Variants in ASH1L observed in about 807,000 individuals in gnomAD.
The protein encoded by ASH1L is ASH1 like histone lysine methyltransferase, also known as histone-lysine N-methyltransferase ASH1L.
Under a neutral mutation model 269.0 loss-of-function variants are expected in ASH1L, and 23 were observed. That is an observed-to-expected ratio of 0.09 (90% CI 0.06 to 0.12). The LOEUF (loss-of-function observed/expected upper bound fraction) is 0.12, where lower values mean the gene tolerates loss of function less well. ASH1L is among the 10% of genes least tolerant of loss of function. The probability of loss-of-function intolerance (pLI) is 1.00; values close to 1 mark genes in which losing one functional copy is unlikely to be tolerated. For synonymous variants in ASH1L, 1,187 were observed against 1,253.5 expected, an observed-to-expected ratio of 0.95 and a Z score of 1.12; for missense variants, 2,912 against 3,567.8, an observed-to-expected ratio of 0.82 and a Z score of 4.68.
chr1:155,347,995 T>C (rs1184297370), intron 19 of ASH1L, 91 bp from the exon 20 acceptor site: 20 of 1,529,094 alleles, frequency 1.3e-5, no homozygotes, highest in Non-Finnish European at 1.7e-5. Context: ...ATGACTTTCT[T>C]TACCCTCCCA....
rs534557610 is a variant in ASH1L at position 155,356,232 on chromosome 1, C to G, written c.7055+1084G>C. On this transcript the variant is annotated intron_variant, in intron 15 of 27. Transcript: ENST00000392403. ...GATTACAGGTGTGAGCCACTGCGCC[C>G]TGCCAAAGCAGGTATTCTTAATTTT... is the stretch of plus-strand genomic sequence containing the variant. Among the ~76,000 whole-genome samples the G allele has an allele frequency of 1.0e-3, 157 of 152,206 alleles. 3 individuals carry two copies. In the South Asian group the frequency reaches 0.011, roughly 11 times the overall value.
Position 155,415,797 on chromosome 1 carries a change from T to C in ASH1L, c.5955A>G (p.Pro1985=), listed in dbSNP as rs1018754288. The part of the protein sequence containing the change: ...IPREKKPPRP[P]KKKYQKAGLY... ...GCCCTGCTTTCTGATACTTCTTCTT[T>C]GGGGGACGTGGGGGCTTCTTTTCCC... The change falls in exon 6 of 28, where the codon CCA becomes CCG. Residue 1985 remains proline, a synonymous_variant. Transcript: ENST00000392403. The C allele has an allele frequency of 6.2e-7, 1 of 1,614,044 alleles. No individual in the cohort carries two copies. Among genetic ancestry groups the C allele is most frequent in the Non-Finnish European group, 8.5e-7 (1 of 1,180,002 alleles).
In ASH1L at chr1:155,415,890, A is replaced by C; in HGVS notation, c.5862T>G (p.Pro1954=). 1 of 1,603,922 alleles carries C rather than the reference A, an allele frequency of 6.2e-7. No individual in the cohort carries two copies. Among genetic ancestry groups the C allele is most frequent in the South Asian group, 1.1e-5 (1 of 88,770 alleles). ...FNEAPVEIPS[P]SETPAKPSEP... ...CAGAAGGTTTAGCTGGGGTTTCAGA[A>C]GGACTGGGAATCTCAACTGGTGCTT... Residue 1954 remains proline (P), a synonymous_variant, in exon 6 of 28, where the codon CCT becomes CCG. Coordinates refer to ENST00000392403, the MANE Select transcript of ASH1L (RefSeq NM_018489.3).
chr1:155,420,935 T>C (rs1317686685), intron 5 of ASH1L, among the ~76,000 whole-genome samples: 1 of 150,894 alleles, frequency 6.6e-6, no homozygotes, highest in African/African-American at 2.4e-5. Flanking sequence ...ACACTGAATG[T>C]CATTAAGATG....
In ASH1L at chr1:155,500,568, GA is replaced by G. The variant is rs199674167; in HGVS notation, c.421-18120del. ...GGACCTCTTCATAAATAGGCATAAG[GA>G]AAAAAAAAAGCACTCTGAGATGGCA... On this transcript the variant is annotated intron_variant, in intron 2 of 27. Transcript: ENST00000392403. Among the ~76,000 whole-genome samples, 164 of 147,118 alleles carry G rather than the reference GA, an allele frequency of 1.1e-3. 2 individuals are homozygous for G. The East Asian group carries it at 0.025, about 23-fold the overall frequency.
At chr1:155,351,310 G>A (rs1486589506) in intron 17 of ASH1L, among the ~76,000 whole-genome samples, 2 of 152,130 alleles carry the variant, frequency 1.3e-5, no homozygotes, top group Admixed American at 6.6e-5. Flanking sequence ...AGCACTTTGG[G>A]AGGCTGAGGT....
At chr1:155,415,438 AG>A (rs1311538905) in intron 6 of ASH1L, among the ~76,000 whole-genome samples, 1 of 152,026 alleles carries the variant, frequency 6.6e-6, no homozygotes, top group African/African-American at 2.4e-5. Context: ...ATCTCAATCT[AG>A]AAAGGCAGAG....
intron 1 of ASH1L, among the ~76,000 whole-genome samples, chr1:155,530,455 G>A (rs1314273687): frequency 6.6e-6 from 1 of 152,110 alleles, no homozygotes; most frequent in Non-Finnish European, 1.5e-5. Flanking sequence ...GCCGGGCTCA[G>A]TGGCTCACGC....
At chr1:155,382,705 G>A (rs1287466045) in intron 7 of ASH1L, among the ~76,000 whole-genome samples, 1 of 151,842 alleles carries the variant, frequency 6.6e-6, no homozygotes, top group Non-Finnish European at 1.5e-5. Flanking sequence ...GTGGGCCTAG[G>A]CTAATGTGGG....
rs1278998887 is a variant in ASH1L, at chr1:155,562,472, G to C, written c.-419C>G. On this transcript the variant is annotated 5_prime_UTR_variant, in exon 1 of 28. Coordinates refer to ENST00000392403, the MANE Select transcript of ASH1L (RefSeq NM_018489.3). Reference sequence around the variant, plus strand: ...GCAGCAGAGTGGCGGCGGTGGCGGCGGCAGCTCCTCCAGAGGGAGGGAGCG... The same window carrying C: ...GCAGCAGAGTGGCGGCGGTGGCGGCCGCAGCTCCTCCAGAGGGAGGGAGCG... 1.1e-5 allele frequency: 16 copies of C among 1,462,768 alleles called. No individual in the cohort carries two copies. The East Asian group carries it at 3.5e-4, about 32-fold the overall frequency. The allele number at this position is 1,462,768 out of a possible 1,614,324, so 90.6% of individuals were successfully genotyped here. A position where few individuals can be genotyped will look rare whatever the true frequency, so the allele number is the denominator to read the frequency against.
chr1:155,416,640 A>G lies in ASH1L; in HGVS notation c.5829-717T>C, dbSNP rs909140778. On this transcript the variant is annotated intron_variant, in intron 5 of 27. Transcript: ENST00000392403. The stretch of plus-strand genomic sequence containing the variant: ...AACTTCTGCTTCCTGGGTTGAAGCG[A>G]TTCTCCTGCCTCAGCCTCCTGAATA... Among the ~76,000 whole-genome samples the G allele has an allele frequency of 3.3e-5, 5 of 151,694 alleles. 1 individual carries two copies. Among genetic ancestry groups the G allele is most frequent in the Admixed American group, 1.3e-4 (2 of 15,198 alleles).
At chr1:155,383,860 A>C (rs570747141) in intron 7 of ASH1L, among the ~76,000 whole-genome samples, 2 of 152,322 alleles carry the variant, frequency 1.3e-5, no homozygotes, top group Admixed American at 1.3e-4. Flanking sequence ...AGTCATGGTC[A>C]TACAACAATG....
chr1:155,470,333 C>G (rs1665003331), intron 3 of ASH1L, among the ~76,000 whole-genome samples: 1 of 151,950 alleles, frequency 6.6e-6, no homozygotes, highest in African/African-American at 2.4e-5. Flanking sequence ...GTGGCACACA[C>G]CTGTAATCCC....
chr1:155,532,911 G>A (rs940899683), intron 1 of ASH1L, among the ~76,000 whole-genome samples: 2 of 147,642 alleles, frequency 1.4e-5, no homozygotes, highest in African/African-American at 2.5e-5. Flanking sequence ...GTATATGTAT[G>A]TATGTGTATA....
At chr1:155,371,036 G>A (rs1485248004) in intron 10 of ASH1L, 53 bp from the exon 11 acceptor site, 2 of 1,493,686 alleles carry the variant, frequency 1.3e-6, no homozygotes, top group East Asian at 4.6e-5. Flanking sequence ...ATACCTTGAT[G>A]CATCCATTTT....
At position 155,442,911 on chromosome 1, in the gene ASH1L, G is replaced by T. The variant is rs992206641; in HGVS notation, c.5087-3843C>A. On this transcript the variant is annotated intron_variant, in intron 4 of 27. Transcript: ENST00000392403. ...ACAGTGAGGACATAATTTCCTGAAA[G>T]GTTATTTACCTGACCAGGAAGCACC... 5.3e-5 allele frequency among the ~76,000 whole-genome samples: 8 copies of T among 152,060 alleles called. No individual in the cohort carries two copies. In the East Asian group the frequency reaches 1.3e-3, roughly 26 times the overall value.
chr1:155,550,924 A>T (rs1016918319), intron 1 of ASH1L, among the ~76,000 whole-genome samples: 1 of 152,102 alleles, frequency 6.6e-6, no homozygotes, highest in African/African-American at 2.4e-5. Flanking sequence ...CCTGGGCTCA[A>T]GAAATCTACT....
At chr1:155,546,321 A>C (rs1670822095) in intron 1 of ASH1L, among the ~76,000 whole-genome samples, 1 of 151,356 alleles carries the variant, frequency 6.6e-6, no homozygotes, top group South Asian at 2.1e-4. Flanking sequence ...ACAAAGCGAG[A>C]CTCTGACTCA....
chr1:155,351,800 G>A (rs149799115), intron 17 of ASH1L, among the ~76,000 whole-genome samples: 3,330 of 151,184 alleles, frequency 0.022, 115 homozygotes, highest in African/African-American at 0.077. Context: ...GCAGTGAGCC[G>A]AGATCATGCC....
Sources: allele counts gnomAD v4.1 joint callset (sites outside exome capture counted in the v4.1 genomes callset), GRCh38; gene constraint gnomAD v4.1.1; transcripts MANE v1.5; gene names NCBI Gene and HGNC (gene_info 2026-07-23, HGNC 2026-07-21).